Variants in DDX31 observed in about 807,000 individuals in gnomAD.
The protein encoded by DDX31 is ATP-dependent DNA helicase DDX31.
In DDX31, 70 loss-of-function variants were observed where a neutral mutation model predicts 91.3. The ratio of observed to expected loss-of-function variants is 0.77; its 90% CI spans 0.63 to 0.94. DDX31 has a LOEUF of 0.94. DDX31 is among the 40% of genes least tolerant of loss of function. The pLI, the probability that DDX31 is intolerant of heterozygous loss-of-function variation, is 0.00. For missense variants in DDX31, 902 were observed against 925.0 expected (o/e 0.98, Z 0.32); for synonymous variants, 362 against 350.6 (o/e 1.03, Z -0.36).
chr9:132,637,867 A>T (rs1465618637), intron 14 of DDX31: 1 of 987,404 alleles, frequency 1.0e-6, no homozygotes, highest in Non-Finnish European at 1.2e-6. Flanking sequence ...AGAGAAAAGC[A>T]CGAAAGTCTA....
In DDX31 at chr9:132,642,833, G is replaced by A. The variant is rs1459685807; in HGVS notation, c.1381-770C>T. Among the ~76,000 whole-genome samples the A allele has an allele frequency of 2.0e-5, 3 of 150,796 alleles. No homozygotes were observed. In the East Asian group the frequency reaches 5.9e-4, roughly 29 times the overall value. On this transcript the variant is annotated intron_variant, in intron 13 of 19. Coordinates refer to ENST00000372159, the MANE Select transcript of DDX31 (RefSeq NM_022779.9). The stretch of plus-strand genomic sequence containing the variant: ...TATTATGGCAATTAAGGTTGTCTCT[G>A]ATTTTTTTTTTTTTTTGAGACAGGG...
chr9:132,619,409 A>T lies in DDX31; in HGVS notation c.1714-968T>A, dbSNP rs1831857998. Among the ~76,000 whole-genome samples, 5 of 152,266 alleles carry T rather than the reference A, an allele frequency of 3.3e-5. No homozygotes were observed. The South Asian group carries it at 1.0e-3, about 32-fold the overall frequency. ...TGGTGTGAACCCCCGGGGAAAATCC[A>T]GAGTGAGACCGGGTCGTGCTGCTTA... On this transcript the variant is annotated intron_variant, in intron 17 of 19. Transcript: ENST00000372159.
chr9:132,594,985 C>G lies in DDX31; in HGVS notation c.2122G>C (p.Gly708Arg). 6.2e-7 allele frequency: 1 copy of G among 1,614,196 alleles called. No homozygotes were observed. Among genetic ancestry groups the G allele is most frequent in the Non-Finnish European group, 8.5e-7 (1 of 1,180,034 alleles). ...KKQNAPGEPG[G>R]RPLQHSLQPT... is the part of the protein sequence containing the mutation. ...TGCAGACTGTGCTGCAGGGGCCGGC[C>G]ACCAGGCTCTCCAGGTGCGTTTTGC... Residue 708 changes from glycine (G) to arginine (R), a missense_variant, in exon 20 of 20, where the codon GGC (glycine) becomes CGC (arginine). Transcript: ENST00000372159.
intron 17 of DDX31, among the ~76,000 whole-genome samples, chr9:132,620,977 A>C (rs1368150966): frequency 1.3e-5 from 2 of 152,222 alleles, no homozygotes; most frequent in Non-Finnish European, 2.9e-5. Flanking sequence ...TGATCTTGGA[A>C]AACACAGGCC....
intron 19 of DDX31, among the ~76,000 whole-genome samples, chr9:132,610,917 A>T (rs1218114948): frequency 2.0e-5 from 3 of 152,186 alleles, no homozygotes; most frequent in Non-Finnish European, 4.4e-5. Flanking sequence ...CTGCAAGACC[A>T]ATGGTCACTT....
At chr9:132,667,404 T>G (rs554561763) in intron 1 of DDX31, among the ~76,000 whole-genome samples, 1 of 151,770 alleles carries the variant, frequency 6.6e-6, no homozygotes, top group South Asian at 2.1e-4. Flanking sequence ...ATGGAGACCA[T>G]CCTGGCTAAC....
chr9:132,599,189 C>T (rs965527422), intron 19 of DDX31, among the ~76,000 whole-genome samples: 7 of 152,204 alleles, frequency 4.6e-5, no homozygotes, highest in African/African-American at 1.2e-4. Context: ...TTCCAACCAC[C>T]GCCTGAAACA....
chr9:132,639,448 C>T (rs1371383504), intron 14 of DDX31, among the ~76,000 whole-genome samples: 2 of 152,102 alleles, frequency 1.3e-5, no homozygotes, highest in African/African-American at 2.4e-5. Context: ...AGGCTGTGGG[C>T]GAGGGAGAGT....
chr9:132,669,425 T>C (rs879224389), intron 1 of DDX31: 1 of 436,508 alleles, frequency 2.3e-6, no homozygotes, highest in Non-Finnish European at 4.0e-6. Flanking sequence ...TGAGAATTTA[T>C]GGTTTGTAGG....
chr9:132,644,810 AG>A (rs1833720294), intron 13 of DDX31, among the ~76,000 whole-genome samples: 1 of 152,236 alleles, frequency 6.6e-6, no homozygotes, highest in South Asian at 2.1e-4. Context: ...TGATTGAATC[AG>A]GGATCCAAAG....
chr9:132,626,959 T>C (rs997010560), intron 16 of DDX31, among the ~76,000 whole-genome samples: 7 of 152,154 alleles, frequency 4.6e-5, no homozygotes, highest in Admixed American at 2.6e-4. Flanking sequence ...CCTGACTTCA[T>C]GGGAAATCTA....
chr9:132,669,781 C>G, intron 1 of DDX31, 79 bp downstream of exon 1: 1 of 1,519,254 alleles, frequency 6.6e-7, no homozygotes, highest in African/African-American at 1.4e-5. Flanking sequence ...AACCCGACTC[C>G]AAGGCACGGC....
intron 7 of DDX31, 151 bp from the exon 8 acceptor site, chr9:132,651,267 T>A: frequency 1.6e-6 from 1 of 642,364 alleles, no homozygotes. Flanking sequence ...ATATACCTTG[T>A]TCTTAGACTG....
intron 9 of DDX31, among the ~76,000 whole-genome samples, chr9:132,649,059 C>G (rs905686274): frequency 6.6e-6 from 1 of 152,168 alleles, no homozygotes; most frequent in Non-Finnish European, 1.5e-5. Flanking sequence ...CCCCAGACAA[C>G]CATTTTCCTG....
Position 132,658,137 on chromosome 9 carries a change from G to A in DDX31, c.588+534C>T, listed in dbSNP as rs571912112. On this transcript the variant is annotated intron_variant, in intron 6 of 19. Coordinates refer to ENST00000372159, the MANE Select transcript of DDX31 (RefSeq NM_022779.9). ...GTGACCATTCTGTAAAAGGTCCCAC[G>A]TTAGGTACTGTGGAAGACACAGATG... 8.7e-5 allele frequency: 51 copies of A among 587,800 alleles called. No individual in the cohort carries two copies. In the Middle Eastern group the frequency reaches 3.3e-3, roughly 38 times the overall value. 36.4% of individuals were successfully genotyped at this position (587,800 alleles called of 1,614,324 possible).
intron 18 of DDX31, 191 bp from the exon 19 acceptor site, chr9:132,612,446 G>C (rs897979660): frequency 3.4e-3 from 1,667 of 483,722 alleles, no homozygotes; most frequent in Middle Eastern, 4.1e-3. Context: ...ACAACAAAAA[G>C]AAAAAAACTA....
At chr9:132,609,111 C>A (rs1390104393) in intron 19 of DDX31, among the ~76,000 whole-genome samples, 1 of 152,158 alleles carries the variant, frequency 6.6e-6, no homozygotes, top group Non-Finnish European at 1.5e-5. Flanking sequence ...AAGGGCATAG[C>A]AACGGAAAAA....
chr9:132,644,458 T>C (rs1045266180), intron 13 of DDX31, among the ~76,000 whole-genome samples: 4 of 152,250 alleles, frequency 2.6e-5, no homozygotes, highest in African/African-American at 7.2e-5. Context: ...AGAGGTTAAA[T>C]ATTTACCTGA....
chr9:132,659,725 A>T lies in DDX31; in HGVS notation c.508T>A (p.Ser170Thr). 1 of 1,611,788 alleles carries T rather than the reference A, an allele frequency of 6.2e-7. No homozygotes were observed. The highest frequency in any genetic ancestry group is 1.3e-5 in the African/African-American group (1 of 74,996). Residue 170 changes from serine (S) to threonine (T), a missense_variant, in exon 5 of 20, where the codon TCC (serine) becomes ACC (threonine). Coordinates refer to ENST00000372159, the MANE Select transcript of DDX31 (RefSeq NM_022779.9). ...TGAGACTAACCTGAGCCCGTCTGGGATCTCACGAGAGCATCTCTGCCTTCC... is the reference window on the plus strand; with the variant it reads ...TGAGACTAACCTGAGCCCGTCTGGGTTCTCACGAGAGCATCTCTGCCTTCC... Reference protein sequence around the residue: ...LLEGRDALVRSQTGSGKTLAY... With the variant: ...LLEGRDALVRTQTGSGKTLAY...
Sources: allele counts gnomAD v4.1 joint callset (sites outside exome capture counted in the v4.1 genomes callset), GRCh38; gene constraint gnomAD v4.1.1; transcripts MANE v1.5; gene names NCBI Gene and HGNC (gene_info 2026-07-23, HGNC 2026-07-21).